Variants in KALRN observed in about 807,000 individuals in gnomAD.
KALRN encodes kalirin RhoGEF kinase.
A neutral mutation model predicts 353.7 loss-of-function variants in KALRN; 70 were observed. The ratio of observed to expected loss-of-function variants is 0.20; its 90% CI spans 0.16 to 0.24. The LOEUF is 0.24. Among genes scored for constraint, KALRN ranks in the 10% least tolerant of loss-of-function variants. The probability of loss-of-function intolerance (pLI) is 1.00; values close to 1 mark genes in which losing one functional copy is unlikely to be tolerated. For synonymous variants in KALRN, 1,391 were observed against 1,434.8 expected (o/e 0.97, Z 0.69); for missense variants, 2,791 against 3,756.7 (o/e 0.74, Z 6.72).
At chr3:124,113,912 C>T (rs1371052999) in intron 1 of KALRN, among the ~76,000 whole-genome samples, 3 of 152,220 alleles carry the variant, frequency 2.0e-5, no homozygotes, top group Non-Finnish European at 4.4e-5. Context: ...TTATCAACCA[C>T]TTAAGGAGAG....
intron 7 of KALRN, among the ~76,000 whole-genome samples, chr3:124,329,652 A>C (rs1175632767): frequency 6.6e-6 from 1 of 151,936 alleles, no homozygotes; most frequent in East Asian, 1.9e-4. Context: ...TTTTGTGGAG[A>C]CTATACTTCC....
At chr3:124,085,246 C>G (rs542060287) in intron 1 of KALRN, among the ~76,000 whole-genome samples, 1 of 152,336 alleles carries the variant, frequency 6.6e-6, no homozygotes, top group East Asian at 1.9e-4. Context: ...CTTTCCCCAT[C>G]CATCCTGTAA....
rs531056052 is a variant in KALRN, at chr3:124,227,934, C to T, written c.74-56C>T. 167 of 1,401,640 alleles carry T rather than the reference C, an allele frequency of 1.2e-4. 1 individual carries two copies. The highest frequency in any genetic ancestry group is 1.1e-3 in the South Asian group (93 of 86,732). 86.8% of individuals were successfully genotyped at this position (1,401,640 alleles called of 1,614,324 possible). ...TTGGGAGACTGAGGATGGGACCTTG[C>T]GATTCAGCCAGCTGGCTCCTCTCAC... On this transcript the variant is annotated intron_variant, in intron 1 of 59. Transcript: ENST00000682506.
At chr3:124,480,604 G>A (rs1183036044) in intron 27 of KALRN, among the ~76,000 whole-genome samples, 1 of 152,104 alleles carries the variant, frequency 6.6e-6, no homozygotes, top group African/African-American at 2.4e-5. Flanking sequence ...GTTTTTGTGT[G>A]TGCGCTGACA....
rs2086826607 is a variant in KALRN at position 124,673,892 on chromosome 3, A to G, written c.6943-472A>G. On this transcript the variant is annotated intron_variant, in intron 48 of 59. Transcript: ENST00000682506. ...TAGTCCTGTCTCAAAGAGGGTCAGA[A>G]TATAAAGTAAAGCCAGCGCACTTTC... Among the ~76,000 whole-genome samples, 4 of 152,316 alleles carry G rather than the reference A, an allele frequency of 2.6e-5. No homozygotes were observed. The South Asian group carries it at 8.3e-4, about 32-fold the overall frequency.
chr3:124,588,818 A>G (rs1389098259), intron 34 of KALRN, among the ~76,000 whole-genome samples: 2 of 152,192 alleles, frequency 1.3e-5, no homozygotes, highest in East Asian at 3.8e-4. Flanking sequence ...CATCCTCCAC[A>G]GTGTGCATGG....
intron 1 of KALRN, among the ~76,000 whole-genome samples, chr3:124,136,488 G>T (rs1350284208): frequency 1.3e-5 from 2 of 152,014 alleles, no homozygotes; most frequent in South Asian, 4.2e-4. Flanking sequence ...AATTGCCAAG[G>T]TCCCCCCCCC....
At chr3:124,528,305 C>T (rs2067759355) in intron 33 of KALRN, among the ~76,000 whole-genome samples, 1 of 152,148 alleles carries the variant, frequency 6.6e-6, no homozygotes, top group Non-Finnish European at 1.5e-5. Context: ...CTGTTACGGT[C>T]TTTGGATAAT....
chr3:124,192,979 C>T (rs1253604293), intron 1 of KALRN, among the ~76,000 whole-genome samples: 1 of 152,194 alleles, frequency 6.6e-6, no homozygotes, highest in Non-Finnish European at 1.5e-5. Context: ...ATTACATATG[C>T]ATAAAACTTA....
chr3:124,713,750 T>G (rs1355617586), intron 58 of KALRN, among the ~76,000 whole-genome samples: 1 of 152,206 alleles, frequency 6.6e-6, no homozygotes, highest in East Asian at 1.9e-4. Context: ...TCACAGAGAT[T>G]AAAGAGAACA....
intron 3 of KALRN, among the ~76,000 whole-genome samples, chr3:124,256,362 T>C (rs2071981064): frequency 6.6e-6 from 1 of 152,078 alleles, no homozygotes; most frequent in South Asian, 2.1e-4. Flanking sequence ...TCTCCTAAAG[T>C]GTGAAACAGA....
At chr3:124,434,824 T>A (rs1298943979) in intron 17 of KALRN, among the ~76,000 whole-genome samples, 1 of 152,258 alleles carries the variant, frequency 6.6e-6, no homozygotes, top group Non-Finnish European at 1.5e-5. Flanking sequence ...AGTCAGCTGT[T>A]ACCACCATAG....
chr3:124,503,360 C>T (rs773542755), intron 33 of KALRN, among the ~76,000 whole-genome samples: 7 of 152,140 alleles, frequency 4.6e-5, no homozygotes, highest in African/African-American at 1.2e-4. Flanking sequence ...TGTATAAATC[C>T]GATAGAAACA....
At chr3:124,341,947 A>G (rs1425955644) in intron 9 of KALRN, among the ~76,000 whole-genome samples, 1 of 151,908 alleles carries the variant, frequency 6.6e-6, no homozygotes, top group African/African-American at 2.4e-5. Flanking sequence ...GAAGGGAAAA[A>G]CAGAGCAAAA....
At chr3:124,689,692 T>C (rs1272393041) in intron 51 of KALRN, among the ~76,000 whole-genome samples, 1 of 152,182 alleles carries the variant, frequency 6.6e-6, no homozygotes, top group Non-Finnish European at 1.5e-5. Context: ...TAATTTCTAG[T>C]CTACTAATTG....
At chr3:124,645,650 C>G (rs1283493886) in intron 37 of KALRN, among the ~76,000 whole-genome samples, 28 of 133,052 alleles carry the variant, frequency 2.1e-4, no homozygotes, top group African/African-American at 7.3e-4. Flanking sequence ...CTCTCTCTCT[C>G]TCTCTCTCTG....
At chr3:124,350,149 C>G (rs548466103) in intron 10 of KALRN, among the ~76,000 whole-genome samples, 1 of 152,328 alleles carries the variant, frequency 6.6e-6, no homozygotes, top group Non-Finnish European at 1.5e-5. Flanking sequence ...TGGTTATAGG[C>G]CGCAGTTTTT....
intron 45 of KALRN, among the ~76,000 whole-genome samples, chr3:124,662,936 C>T (rs1380573155): frequency 1.3e-5 from 2 of 151,836 alleles, no homozygotes; most frequent in Non-Finnish European, 2.9e-5. Context: ...ACATTCCCTT[C>T]CCTCTGTGTT....
intron 14 of KALRN, among the ~76,000 whole-genome samples, chr3:124,417,811 A>T (rs2150317635): frequency 6.6e-6 from 1 of 152,350 alleles, no homozygotes; most frequent in East Asian, 1.9e-4. Flanking sequence ...TCATGTGAGG[A>T]TGAAGTGGGA....
Sources: gnomAD v4.1 joint callset for allele counts (sites outside exome capture counted in the v4.1 genomes callset) on GRCh38, gnomAD v4.1.1 for gene constraint, MANE v1.5 for transcripts, NCBI Gene and HGNC (gene_info 2026-07-23, HGNC 2026-07-21) for gene names.